Variants in TNR observed in about 807,000 individuals in gnomAD.
TNR encodes tenascin R, also known as tenascin-R.
Under a neutral mutation model 150.4 loss-of-function variants are expected in TNR, and 45 were observed. That is an observed-to-expected ratio of 0.30 (90% CI 0.24 to 0.38). The LOEUF (loss-of-function observed/expected upper bound fraction) is 0.38, where lower values mean the gene tolerates loss of function less well. Among genes scored for constraint, TNR ranks in the 10% least tolerant of loss-of-function variants. The pLI is 1.00. For synonymous variants in TNR, 687 were observed against 678.4 expected, an observed-to-expected ratio of 1.01 and a Z score of -0.20; for missense variants, 1,544 against 1,759.1, an observed-to-expected ratio of 0.88 and a Z score of 2.19.
At chr1:175,357,365 T>G (rs975103644) in intron 15 of TNR, among the ~76,000 whole-genome samples, 1 of 152,228 alleles carries the variant, frequency 6.6e-6, no homozygotes, top group Non-Finnish European at 1.5e-5. Context: ...TTATTTAATA[T>G]TTAACAGTTT....
At chr1:175,399,423 T>A (rs978798870) in intron 4 of TNR, among the ~76,000 whole-genome samples, 2 of 152,190 alleles carry the variant, frequency 1.3e-5, no homozygotes, top group Admixed American at 6.5e-5. Flanking sequence ...GAAGGATTTT[T>A]AAAAAAATCT....
Position 175,564,297 on chromosome 1 carries a change from G to A in TNR, c.-164-35928C>T, listed in dbSNP as rs918165510. On this transcript the variant is annotated intron_variant, in intron 1 of 22. Coordinates refer to ENST00000367674, the MANE Select transcript of TNR (RefSeq NM_003285.3). ...CACCCCAAGCAGGACGGGCGGCTGC[G>A]AAGTGGGCACCTGGATTCAGATCCA... 3.9e-5 allele frequency among the ~76,000 whole-genome samples: 6 copies of A among 152,192 alleles called. No homozygotes were observed. In the South Asian group the frequency reaches 6.2e-4, roughly 16 times the overall value.
intron 9 of TNR, among the ~76,000 whole-genome samples, chr1:175,367,517 C>T (rs1012550484): frequency 6.6e-6 from 1 of 152,196 alleles, no homozygotes; most frequent in Non-Finnish European, 1.5e-5. Context: ...TTCTTGCAGG[C>T]AGGCTCTCTG....
rs185028495 is a variant in TNR at position 175,698,716 on chromosome 1, C to T, written c.-165+44510G>A. On this transcript the variant is annotated intron_variant, in intron 1 of 22. Coordinates refer to ENST00000367674, the MANE Select transcript of TNR (RefSeq NM_003285.3). ...ATTAGCCGGGCATGGTGGCAGGCAC[C>T]AGTAATCCCTCAGGAGGCTGAGGCA... Among the ~76,000 whole-genome samples the T allele has an allele frequency of 2.2e-4, 33 of 151,922 alleles. No individual in the cohort carries two copies. The East Asian group carries it at 4.8e-3, about 22-fold the overall frequency.
Position 175,599,488 on chromosome 1 carries a change from C to G in TNR, c.-164-71119G>C, listed in dbSNP as rs1003398828. ...AGACTTGGGGTCTTGCGATCGCCGC[C>G]GAGTGACGGAGTAATTCGCAGATGC... On this transcript the variant is annotated intron_variant, in intron 1 of 22. Coordinates refer to ENST00000367674, the MANE Select transcript of TNR (RefSeq NM_003285.3). This position sits in a 1 kb window ranked among gnomAD's most constrained non-coding sequence, Gnocchi z 4.7. Among the ~76,000 whole-genome samples the G allele has an allele frequency of 2.6e-5, 4 of 152,220 alleles. No individual in the cohort carries two copies. Among genetic ancestry groups the G allele is most frequent in the African/African-American group, 4.8e-5 (2 of 41,462 alleles).
intron 21 of TNR, among the ~76,000 whole-genome samples, chr1:175,326,247 A>G (rs1649385768): frequency 6.6e-6 from 1 of 152,210 alleles, no homozygotes; most frequent in Non-Finnish European, 1.5e-5. Flanking sequence ...TAAAACTTTT[A>G]GCAGGATCAG....
At chr1:175,670,496 T>C (rs187057490) in intron 1 of TNR, among the ~76,000 whole-genome samples, 35 of 152,360 alleles carry the variant, frequency 2.3e-4, no homozygotes, top group Admixed American at 7.2e-4. Context: ...TTCAATCTGG[T>C]AATTGCTTGT....
chr1:175,714,811 G>C (rs954310871), intron 1 of TNR, among the ~76,000 whole-genome samples: 15 of 152,308 alleles, frequency 9.8e-5, no homozygotes, highest in Admixed American at 6.5e-4. Flanking sequence ...AAGACAATCA[G>C]CCCAGAGTCT....
rs1050465514 is a variant in TNR, at chr1:175,367,061, A to G, written c.2053+147T>C. On this transcript the variant is annotated intron_variant, in intron 10 of 22. Coordinates refer to ENST00000367674, the MANE Select transcript of TNR (RefSeq NM_003285.3). ...AGATCAAGGATTAGGCATAGGGTGG[A>G]TGTTGTTTCTAGGCTGACAGTTGTC... 2.3e-5 allele frequency: 15 copies of G among 663,196 alleles called. No individual in the cohort carries two copies. In the African/African-American group the frequency reaches 2.4e-4, roughly 10 times the overall value. 41.1% of individuals were successfully genotyped at this position (663,196 alleles called of 1,614,324 possible).
At chr1:175,446,006 G>C (rs1448954728) in intron 2 of TNR, among the ~76,000 whole-genome samples, 1 of 152,168 alleles carries the variant, frequency 6.6e-6, no homozygotes, top group Non-Finnish European at 1.5e-5. Context: ...TCACACTCTT[G>C]TCTAAGACTG....
At chr1:175,633,155 G>T (rs1461261396) in intron 1 of TNR, among the ~76,000 whole-genome samples, 2 of 152,146 alleles carry the variant, frequency 1.3e-5, no homozygotes, top group African/African-American at 4.8e-5. Flanking sequence ...ATCCAGGCCT[G>T]GTTCAAACCT....
chr1:175,697,828 G>A (rs982870208), intron 1 of TNR, among the ~76,000 whole-genome samples: 2 of 152,166 alleles, frequency 1.3e-5, no homozygotes, highest in Non-Finnish European at 2.9e-5. Context: ...TTCCATGTGA[G>A]CCTCACAATA....
rs894020921 is a variant in TNR at position 175,391,457 on chromosome 1, C to T, written c.1357-19G>A. ...CATTGTTCTGGACAGTGGGGAGAAG[C>T]AGAGAGCAAAAGAGAAAAGTCACTG... On this transcript the variant is annotated intron_variant, in intron 6 of 22. Coordinates refer to ENST00000367674, the MANE Select transcript of TNR (RefSeq NM_003285.3). 1 of 1,610,186 alleles carries T rather than the reference C, an allele frequency of 6.2e-7. No homozygotes were observed. The highest frequency in any genetic ancestry group is 1.1e-5 in the South Asian group (1 of 90,324).
chr1:175,335,868 C>T, intron 19 of TNR, 61 bp from the exon 20 acceptor site: 1 of 1,454,654 alleles, frequency 6.9e-7, no homozygotes, highest in South Asian at 1.2e-5. Context: ...CAAAGAGATG[C>T]TAAGGAAAAT....
intron 1 of TNR, among the ~76,000 whole-genome samples, chr1:175,686,936 T>C (rs887766307): frequency 6.6e-6 from 1 of 152,216 alleles, no homozygotes; most frequent in African/African-American, 2.4e-5. Flanking sequence ...CTGTGGATAG[T>C]GCTGTGATAA....
intron 1 of TNR, among the ~76,000 whole-genome samples, chr1:175,677,494 C>CT (rs761614781): frequency 1.3e-5 from 2 of 152,212 alleles, no homozygotes; most frequent in Non-Finnish European, 2.9e-5. Context: ...ACATCACTCC[C>CT]TCCCAGGGCT....
intron 2 of TNR, among the ~76,000 whole-genome samples, chr1:175,499,834 C>A (rs574405576): frequency 4.3e-4 from 65 of 152,254 alleles, no homozygotes; most frequent in Non-Finnish European, 7.8e-4. Context: ...TCTCTTTCAT[C>A]CCCTCTGCCT....
chr1:175,519,974 T>C (rs766766441), intron 2 of TNR, among the ~76,000 whole-genome samples: 1 of 152,218 alleles, frequency 6.6e-6, no homozygotes, highest in Non-Finnish European at 1.5e-5. Context: ...TTCCACTTAC[T>C]AAGCTGTTTG....
chr1:175,606,971 TC>T lies in TNR; in HGVS notation c.-164-78603del, dbSNP rs148423493. On this transcript the variant is annotated intron_variant, in intron 1 of 22. Transcript: ENST00000367674. ...TTTGCTTGGCTCCTTTCCTTCCTTG[TC>T]CTGCTTCACTTCCTCCCTTACTAGG... Among the ~76,000 whole-genome samples, 1,027 of 152,300 alleles carry T rather than the reference TC, an allele frequency of 6.7e-3. 11 individuals are homozygous for T. The highest frequency in any genetic ancestry group is 0.024 in the African/African-American group (980 of 41,550).
Sources: allele counts gnomAD v4.1 joint callset (sites outside exome capture counted in the v4.1 genomes callset), GRCh38; gene constraint gnomAD v4.1.1; non-coding constraint Gnocchi (gnomAD v3.1); transcripts MANE v1.5; gene names NCBI Gene and HGNC (gene_info 2026-07-23, HGNC 2026-07-21).